PCDHA3: variants seen among roughly 807,000 people sequenced by gnomAD.
PCDHA3 encodes the protein protocadherin alpha 3.
A neutral mutation model predicts 62.2 loss-of-function variants in PCDHA3; 41 were observed. The observed-to-expected ratio is 0.66, with a 90% CI of 0.51 to 0.86. The LOEUF (loss-of-function observed/expected upper bound fraction) is 0.86. Ranked by LOEUF, PCDHA3 falls within the 40% of genes least tolerant of loss-of-function variation. The probability of loss-of-function intolerance (pLI) is 0.00; values close to 1 mark genes in which losing one functional copy is unlikely to be tolerated. For synonymous variants in PCDHA3, 640 were observed against 555.4 expected (o/e 1.15, Z -2.14); for missense variants, 1,304 against 1,241.2 (o/e 1.05, Z -0.76).
rs782644238 is a variant in PCDHA3 at position 140,883,107 on chromosome 5, C to A, written c.2394+79516C>A. ...GGTACAAATGGAGATATAGTTTACT[C>A]ATTTAGAAGGCCTGTATGGCCTGCA... On this transcript the variant is annotated intron_variant, in intron 1 of 3. Transcript: ENST00000522353. 15 of 1,614,064 alleles carry A rather than the reference C, an allele frequency of 9.3e-6. No homozygotes were observed. The East Asian group carries it at 3.1e-4, about 34-fold the overall frequency.
At chr5:140,985,391 C>T (rs2097149590) in intron 3 of PCDHA3, among the ~76,000 whole-genome samples, 1 of 152,136 alleles carries the variant, frequency 6.6e-6, no homozygotes, top group Non-Finnish European at 1.5e-5. Context: ...TCCAGTCACC[C>T]CAACTGTTCC....
intron 2 of PCDHA3, chr5:140,982,257 G>A: frequency 1.2e-6 from 1 of 804,182 alleles, no homozygotes; most frequent in Admixed American, 3.3e-5. Context: ...TAGAACATGT[G>A]TGTTCCTGGA....
Position 140,824,630 on chromosome 5 carries a change from TTTA to T in PCDHA3, c.2394+21042_2394+21044del, listed in dbSNP as rs1222367338. The T allele has an allele frequency of 6.7e-3, 821 of 121,994 alleles. 129 individuals carry two copies. The highest frequency in any genetic ancestry group is 0.019 in the African/African-American group (519 of 27,074). 7.6% of individuals were successfully genotyped at this position (121,994 alleles called of 1,614,324 possible). A position where few individuals can be genotyped will look rare whatever the true frequency, so the allele number is the denominator to read the frequency against. Reference sequence around the variant, plus strand: ...TTAAAGTTTTTTTTTTTTTTTTTTTTTTATTTTCTGTAGAGATAGGGGTCTTGC... The same window carrying T: ...TTAAAGTTTTTTTTTTTTTTTTTTTTTTTTCTGTAGAGATAGGGGTCTTGC... On this transcript the variant is annotated intron_variant, in intron 1 of 3. Coordinates refer to ENST00000522353, the MANE Select transcript of PCDHA3 (RefSeq NM_018906.3).
rs1190939164 is a variant in PCDHA3, at chr5:140,968,882, C to T, written c.2395-10067C>T. ...CCCTCGGACATACTCTGAAATTACC[C>T]TTTATCTAATAATAGCATTAAGCAC... On this transcript the variant is annotated intron_variant, in intron 1 of 3. Transcript: ENST00000522353. 6 of 1,614,066 alleles carry T rather than the reference C, an allele frequency of 3.7e-6. No individual in the cohort carries two copies. The African/African-American group carries it at 6.7e-5, about 18-fold the overall frequency.
chr5:140,912,222 C>G (rs782160814), intron 1 of PCDHA3, among the ~76,000 whole-genome samples: 2 of 151,926 alleles, frequency 1.3e-5, no homozygotes, highest in Non-Finnish European at 2.9e-5. Flanking sequence ...CTGCCTTTCC[C>G]AGTCCACTGA....
At chr5:140,983,771 A>G (rs963720761) in intron 3 of PCDHA3, among the ~76,000 whole-genome samples, 2 of 152,222 alleles carry the variant, frequency 1.3e-5, no homozygotes, top group Admixed American at 6.5e-5. Flanking sequence ...ATACATATCT[A>G]CATACATAAC....
At chr5:140,973,586 C>T (rs1207651483) in intron 1 of PCDHA3, among the ~76,000 whole-genome samples, 2 of 152,176 alleles carry the variant, frequency 1.3e-5, no homozygotes, top group African/African-American at 4.8e-5. Context: ...GACTGCTGAG[C>T]CAGATGGAAT....
intron 1 of PCDHA3, chr5:140,842,364 C>T (rs1777899018): frequency 6.8e-6 from 11 of 1,607,810 alleles, no homozygotes; most frequent in East Asian, 2.2e-5. Flanking sequence ...GATAACGTCC[C>T]TGAGATAGCA....
intron 1 of PCDHA3, chr5:140,928,452 G>C: frequency 6.2e-7 from 1 of 1,614,126 alleles, no homozygotes; most frequent in Non-Finnish European, 8.5e-7. Context: ...AGCTCAGGGG[G>C]TTTCATTTCC....
intron 3 of PCDHA3, among the ~76,000 whole-genome samples, chr5:141,006,369 G>A (rs2098270445): frequency 1.3e-5 from 2 of 151,784 alleles, no homozygotes; most frequent in Admixed American, 6.6e-5. Context: ...CCACCACCAC[G>A]CCCGGCTAAG....
chr5:140,951,318 G>C (rs2094570791), intron 1 of PCDHA3, among the ~76,000 whole-genome samples: 1 of 152,038 alleles, frequency 6.6e-6, no homozygotes, highest in Non-Finnish European at 1.5e-5. Context: ...TGTTATTCTT[G>C]AGATTCATCA....
chr5:140,872,582 G>A (rs535860760), intron 1 of PCDHA3, among the ~76,000 whole-genome samples: 8 of 152,084 alleles, frequency 5.3e-5, no homozygotes, highest in Non-Finnish European at 1.2e-4. Flanking sequence ...ACCTATCATC[G>A]TGAGACCCCC....
chr5:140,823,565 A>AC (rs1767768835), intron 1 of PCDHA3: 1 of 1,613,806 alleles, frequency 6.2e-7, no homozygotes, highest in Non-Finnish European at 8.5e-7. Flanking sequence ...CGCGCAGTGG[A>AC]CCCTGATTCG....
In PCDHA3 at chr5:140,851,227, T is replaced by C; in HGVS notation, c.2394+47636T>C. On this transcript the variant is annotated intron_variant, in intron 1 of 3. Coordinates refer to ENST00000522353, the MANE Select transcript of PCDHA3 (RefSeq NM_018906.3). ...TCATTAAACATTAACATCACTATCA[T>C]TTATTTATTGCTAAATGATGCATAG... The C allele has an allele frequency of 4.4e-6, 5 of 1,142,852 alleles. 1 individual carries two copies. In the South Asian group the frequency reaches 1.4e-4, roughly 31 times the overall value. The allele number at this position is 1,142,852 out of a possible 1,614,324, so 70.8% of individuals were successfully genotyped here. A position where few individuals can be genotyped will look rare whatever the true frequency, so the allele number is the denominator to read the frequency against.
intron 1 of PCDHA3, among the ~76,000 whole-genome samples, chr5:140,837,441 C>A (rs1199592642): frequency 6.6e-6 from 1 of 151,714 alleles, no homozygotes; most frequent in Admixed American, 6.6e-5. Flanking sequence ...AAATCTAGTA[C>A]GTAGTAAAAA....
intron 1 of PCDHA3, chr5:140,835,983 C>T (rs1290587139): frequency 1.2e-6 from 2 of 1,613,326 alleles, no homozygotes; most frequent in Non-Finnish European, 1.7e-6. Flanking sequence ...GTTGCAGTTC[C>T]AGGTGAGCGC....
chr5:140,848,135 C>CT, intron 1 of PCDHA3: 1 of 194,926 alleles, frequency 5.1e-6, no homozygotes, highest in Non-Finnish European at 1.1e-5. Flanking sequence ...TCATACAAAA[C>CT]TTTTAGAGGC....
chr5:140,985,930 G>A (rs577670490), intron 3 of PCDHA3, among the ~76,000 whole-genome samples: 1 of 151,914 alleles, frequency 6.6e-6, no homozygotes, highest in East Asian at 1.9e-4. Flanking sequence ...TAGTAGAGCC[G>A]GGGTTTCACT....
intron 1 of PCDHA3, chr5:140,813,694 C>CA (rs1765363147): frequency 1.3e-5 from 2 of 152,120 alleles, no homozygotes; most frequent in African/African-American, 4.8e-5. Context: ...CTCAATTTAT[C>CA]AAAAAATTTT....
Sources: allele counts gnomAD v4.1 joint callset (sites outside exome capture counted in the v4.1 genomes callset), GRCh38; gene constraint gnomAD v4.1.1; transcripts MANE v1.5; gene names NCBI Gene and HGNC (gene_info 2026-07-23, HGNC 2026-07-21).